The following ACAP2 variants were observed in gnomAD, a reference collection of about 807,000 sequenced individuals.
ACAP2 encodes the protein arf-GAP with coiled-coil, ANK repeat and PH domain-containing protein 2.
ACAP2 carries 39 observed loss-of-function variants against 115.8 expected under a neutral mutation model. The observed-to-expected ratio is 0.34, with a 90% CI of 0.26 to 0.44. The LOEUF (loss-of-function observed/expected upper bound fraction) is 0.44. Ranked by LOEUF, ACAP2 falls within the 20% of genes least tolerant of loss-of-function variation. The pLI is 1.00. For missense variants in ACAP2, 662 were observed against 927.6 expected, an observed-to-expected ratio of 0.71 and a Z score of 3.72; for synonymous variants, 289 against 315.8, an observed-to-expected ratio of 0.92 and a Z score of 0.90.
intron 7 of ACAP2, among the ~76,000 whole-genome samples, chr3:195,334,112 T>C (rs1462582997): frequency 6.6e-6 from 1 of 151,992 alleles, no homozygotes; most frequent in East Asian, 1.9e-4. Flanking sequence ...TGAAAAAATA[T>C]TCTAAACATC....
intron 4 of ACAP2, among the ~76,000 whole-genome samples, chr3:195,351,714 C>T (rs1270018314): frequency 2.6e-5 from 4 of 152,072 alleles, no homozygotes; most frequent in African/African-American, 9.7e-5. Context: ...CCGCCCGCAT[C>T]GGCCTCCCAA....
intron 4 of ACAP2, among the ~76,000 whole-genome samples, chr3:195,374,545 C>G (rs1017098077): frequency 2.0e-5 from 3 of 152,162 alleles, no homozygotes; most frequent in African/African-American, 7.2e-5. Flanking sequence ...GAGAGAGGAG[C>G]TCCTGAGAGT....
At chr3:195,381,206 C>G (rs1367227464) in intron 3 of ACAP2, 144 bp from the exon 4 acceptor site, 1 of 640,402 alleles carries the variant, frequency 1.6e-6, no homozygotes, top group Non-Finnish European at 2.7e-6. Context: ...CTCACACTAC[C>G]TTATGGGTAC....
chr3:195,397,830 CTT>C (rs1711931591), intron 1 of ACAP2, among the ~76,000 whole-genome samples: 2 of 152,074 alleles, frequency 1.3e-5, no homozygotes, highest in South Asian at 4.2e-4. Context: ...TGCACAATCT[CTT>C]TTTGTTTTCA....
At chr3:195,305,118 T>C (rs1046120427) in intron 13 of ACAP2, among the ~76,000 whole-genome samples, 10 of 152,198 alleles carry the variant, frequency 6.6e-5, no homozygotes, top group African/African-American at 9.7e-5. Context: ...CAGGTCTATA[T>C]CTGTAAACAT....
At chr3:195,371,106 A>G (rs1733107406) in intron 4 of ACAP2, among the ~76,000 whole-genome samples, 1 of 152,108 alleles carries the variant, frequency 6.6e-6, no homozygotes, top group Non-Finnish European at 1.5e-5. Context: ...GAAGACTATC[A>G]TTGATAGTTT....
chr3:195,343,011 T>C (rs1281526002), intron 5 of ACAP2, among the ~76,000 whole-genome samples: 24 of 151,538 alleles, frequency 1.6e-4, no homozygotes, highest in Non-Finnish European at 1.0e-4. Flanking sequence ...AAAAAAAAAT[T>C]AGCAAAATAA....
At chr3:195,442,683 C>T in intron 1 of ACAP2, 112 bp downstream of exon 1, 1 of 1,181,900 alleles carries the variant, frequency 8.5e-7, no homozygotes, top group Non-Finnish European at 1.2e-6. Flanking sequence ...GCCGCTCGCC[C>T]CGTCGGAAGG....
At chr3:195,435,110 C>T (rs565369475) in intron 1 of ACAP2, among the ~76,000 whole-genome samples, 21 of 151,784 alleles carry the variant, frequency 1.4e-4, no homozygotes, top group African/African-American at 2.9e-4. Context: ...TCTTCCCTTT[C>T]GCTGCTTTGA....
chr3:195,353,665 A>C (rs1381950862), intron 4 of ACAP2, among the ~76,000 whole-genome samples: 6 of 152,224 alleles, frequency 3.9e-5, no homozygotes, highest in Admixed American at 3.9e-4. Context: ...TATATTCACT[A>C]AATTATTTGT....
At chr3:195,423,760 T>C (rs548963818) in intron 1 of ACAP2, among the ~76,000 whole-genome samples, 1 of 152,224 alleles carries the variant, frequency 6.6e-6, no homozygotes, top group African/African-American at 2.4e-5. Context: ...ATGGCTATAT[T>C]CCAATAAAAC....
At chr3:195,351,116 C>G (rs935846347) in intron 4 of ACAP2, among the ~76,000 whole-genome samples, 1 of 119,458 alleles carries the variant, frequency 8.4e-6, no homozygotes, top group African/African-American at 3.2e-5. Flanking sequence ...GAAGATAAAT[C>G]CTTTTTTTTT....
At chr3:195,353,174 G>A (rs2108676625) in intron 4 of ACAP2, among the ~76,000 whole-genome samples, 1 of 151,940 alleles carries the variant, frequency 6.6e-6, no homozygotes, top group Non-Finnish European at 1.5e-5. Context: ...CATGTCATAA[G>A]GACACTCAAG....
Position 195,307,447 on chromosome 3 carries a change from G to T in ACAP2, c.910-124C>A, listed in dbSNP as rs546710695. On this transcript the variant is annotated intron_variant, in intron 11 of 22. Coordinates refer to ENST00000326793, the MANE Select transcript of ACAP2 (RefSeq NM_012287.6). ...TTTTCAAGATTTATATTTTATTTTA[G>T]AAACAGGGGTTATCAATATAGACAT... 9.7e-6 allele frequency: 6 copies of T among 620,772 alleles called. No individual in the cohort carries two copies. The East Asian group carries it at 1.7e-4, about 18-fold the overall frequency. The allele number at this position is 620,772 out of a possible 1,614,324, so 38.5% of individuals were successfully genotyped here. A position where few individuals can be genotyped will look rare whatever the true frequency, so the allele number is the denominator to read the frequency against.
intron 13 of ACAP2, among the ~76,000 whole-genome samples, chr3:195,304,156 T>A (rs1728254987): frequency 1.2e-5 from 1 of 83,112 alleles, no homozygotes; most frequent in Non-Finnish European, 2.1e-5. Flanking sequence ...GGAGTGAGAC[T>A]CCATCTCAAA....
intron 1 of ACAP2, among the ~76,000 whole-genome samples, chr3:195,424,596 G>A (rs1714517927): frequency 4.0e-5 from 6 of 151,550 alleles, no homozygotes; most frequent in Admixed American, 3.9e-4. Context: ...ACCGCGCCCG[G>A]CCAGTTTTGA....
At chr3:195,345,235 T>C in intron 5 of ACAP2, 24 bp downstream of exon 5, 2 of 1,562,446 alleles carry the variant, frequency 1.3e-6, no homozygotes, top group Non-Finnish European at 1.8e-6. Flanking sequence ...TAATTTTCTT[T>C]CCTCTTCACC....
rs190500723 is a variant in ACAP2, at chr3:195,276,631, A to C, written c.*2697T>G. Reference sequence around the variant, plus strand: ...ATGGAAAGAAAATAAAAGGCCAATCACATTGACTAATGAAGCCCAAAAGCA... The same window carrying C: ...ATGGAAAGAAAATAAAAGGCCAATCCCATTGACTAATGAAGCCCAAAAGCA... On this transcript the variant is annotated 3_prime_UTR_variant, in exon 23 of 23. Transcript: ENST00000326793. 1 of 152,352 alleles carries C rather than the reference A, an allele frequency of 6.6e-6. No homozygotes were observed. Among genetic ancestry groups the C allele is most frequent in the Admixed American group, 6.5e-5 (1 of 15,308 alleles). 9.4% of individuals were successfully genotyped at this position (152,352 alleles called of 1,614,324 possible).
At chr3:195,301,828 C>A (rs934484668) in intron 14 of ACAP2, 138 bp downstream of exon 14, 8 of 1,214,198 alleles carry the variant, frequency 6.6e-6, no homozygotes, top group Admixed American at 2.4e-5. Flanking sequence ...AGGATTTTAA[C>A]TACTTCTTAA....
Sources: allele counts gnomAD v4.1 joint callset (sites outside exome capture counted in the v4.1 genomes callset), GRCh38; gene constraint gnomAD v4.1.1; transcripts MANE v1.5; gene names NCBI Gene and HGNC (gene_info 2026-07-23, HGNC 2026-07-21).